The following PTPRJ variants were observed in gnomAD, a reference collection of about 807,000 sequenced individuals.
PTPRJ encodes the protein protein tyrosine phosphatase receptor type J, also known as receptor-type tyrosine-protein phosphatase eta.
PTPRJ carries 129 observed loss-of-function variants against 141.3 expected under a neutral mutation model. That is an observed-to-expected ratio of 0.91 (90% confidence interval 0.79 to 1.06). The LOEUF (loss-of-function observed/expected upper bound fraction) is 1.06, where lower values mean the gene tolerates loss of function less well. Ranked by LOEUF, PTPRJ falls within the 50% of genes least tolerant of loss-of-function variation. The probability of loss-of-function intolerance (pLI) is 0.00; values close to 1 mark genes in which losing one functional copy is unlikely to be tolerated. For synonymous variants in PTPRJ, 610 were observed against 640.5 expected, an observed-to-expected ratio of 0.95 and a Z score of 0.72; for missense variants, 1,601 against 1,679.7, an observed-to-expected ratio of 0.95 and a Z score of 0.82.
chr11:48,053,254 T>C (rs1354768240), intron 1 of PTPRJ, among the ~76,000 whole-genome samples: 11 of 84,782 alleles, frequency 1.3e-4, no homozygotes, highest in Admixed American at 1.0e-3. Context: ...TTATATAATA[T>C]ATATAATATA....
intron 3 of PTPRJ, among the ~76,000 whole-genome samples, chr11:48,118,775 C>T (rs537168292): frequency 1.3e-5 from 2 of 152,238 alleles, no homozygotes; most frequent in East Asian, 3.9e-4. Context: ...CTTTTCTGAA[C>T]TTAAGAACTT....
At chr11:47,989,134 C>T (rs1210926677) in intron 1 of PTPRJ, among the ~76,000 whole-genome samples, 4 of 151,670 alleles carry the variant, frequency 2.6e-5, no homozygotes, top group African/African-American at 4.8e-5. Context: ...CCGCCCGCCT[C>T]GGCCTCCCAA....
chr11:48,139,642 C>T lies in PTPRJ; in HGVS notation c.2309C>T (p.Ser770Phe). Residue 770 changes from serine to phenylalanine, a missense_variant, in exon 11 of 25, where the codon TCT (serine) becomes TTT (phenylalanine). Coordinates refer to ENST00000418331, the MANE Select transcript of PTPRJ (RefSeq NM_002843.4). ...GCGACCCACCTGGAGAGCTGCTCCT[C>T]TGAGAATGGCACTGAGTATAGAACG... ...NNATHLESCS[S>F]ENGTEYRTEV... 1 of 1,614,250 alleles carries T rather than the reference C, an allele frequency of 6.2e-7. No individual in the cohort carries two copies. The highest frequency in any genetic ancestry group is 8.5e-7 in the Non-Finnish European group (1 of 1,180,044).
chr11:48,159,147 G>GTC (rs1857698521), intron 21 of PTPRJ, among the ~76,000 whole-genome samples: 1 of 149,628 alleles, frequency 6.7e-6, no homozygotes, highest in Non-Finnish European at 1.5e-5. Flanking sequence ...GTGTGTGTGT[G>GTC]TGTGTGTGTG....
intron 1 of PTPRJ, among the ~76,000 whole-genome samples, chr11:48,012,685 C>T (rs1038560084): frequency 7.9e-5 from 12 of 152,100 alleles, no homozygotes; most frequent in African/African-American, 2.9e-4. Flanking sequence ...TCAGAGCTCT[C>T]ATCCATCTTC....
intron 1 of PTPRJ, among the ~76,000 whole-genome samples, chr11:47,983,830 T>C (rs1480142092): frequency 6.6e-6 from 1 of 152,224 alleles, no homozygotes; most frequent in Non-Finnish European, 1.5e-5. Context: ...TGGTGACTGA[T>C]AGCTGTTTTA....
chr11:48,139,741 C>T lies in PTPRJ; in HGVS notation c.2408C>T (p.Ala803Val). 1 of 1,614,132 alleles carries T rather than the reference C, an allele frequency of 6.2e-7. No individual in the cohort carries two copies. The highest frequency in any genetic ancestry group is 8.5e-7 in the Non-Finnish European group (1 of 1,180,028). The change falls in exon 11 of 25, where the codon GCC becomes GTC. Residue 803 changes from alanine (A) to valine (V), a missense_variant. Transcript: ENST00000418331. ...ACTGTGTCCTGTGGAAAGATGGCAG[C>T]CCCCACCCGGAACACCTGCACTACT... ...ITTVSCGKMA[A>V]PTRNTCTTGI...
intron 18 of PTPRJ, among the ~76,000 whole-genome samples, chr11:48,153,051 G>T (rs942057096): frequency 6.6e-6 from 1 of 152,104 alleles, no homozygotes; most frequent in Non-Finnish European, 1.5e-5. Context: ...AACACCACGG[G>T]TTTGGTCTAG....
At chr11:48,036,183 A>T (rs924706601) in intron 1 of PTPRJ, among the ~76,000 whole-genome samples, 3 of 152,234 alleles carry the variant, frequency 2.0e-5, no homozygotes, top group Non-Finnish European at 2.9e-5. Flanking sequence ...ACCTCTTTGA[A>T]GAAATGACAC....
chr11:48,110,075 C>A lies in PTPRJ; in HGVS notation c.114C>A (p.Gly38=). The change falls in exon 2 of 25, where the codon GGC becomes GGA. Residue 38 remains glycine, a splice_region_variant and synonymous_variant. Transcript: ENST00000418331. ...TGTTTCAGATCCTGTGCGCAGGTGG[C>A]AGTGAGTACCCTTTTCCTCTCTATT... ...LRLGQILCAG[G]TPSPIPDPSV... 1.2e-6 allele frequency: 2 copies of A among 1,613,722 alleles called. No homozygotes were observed. Among genetic ancestry groups the A allele is most frequent in the Non-Finnish European group, 1.7e-6 (2 of 1,179,616 alleles).
intron 10 of PTPRJ, among the ~76,000 whole-genome samples, chr11:48,138,936 C>T (rs1205263822): frequency 6.6e-6 from 1 of 152,152 alleles, no homozygotes; most frequent in African/African-American, 2.4e-5. Flanking sequence ...AGATCGAGAC[C>T]ATCCTGGCTA....
intron 1 of PTPRJ, among the ~76,000 whole-genome samples, chr11:48,031,022 A>C (rs1853966457): frequency 6.6e-6 from 1 of 152,202 alleles, no homozygotes; most frequent in Non-Finnish European, 1.5e-5. Flanking sequence ...GTGTTTTCAA[A>C]GTACTGAAAC....
intron 1 of PTPRJ, among the ~76,000 whole-genome samples, chr11:48,069,669 T>A (rs1174167770): frequency 6.6e-6 from 1 of 151,854 alleles, no homozygotes; most frequent in Non-Finnish European, 1.5e-5. Context: ...GCCAGGATGG[T>A]CTTGATCTCC....
chr11:48,084,730 G>A (rs1306537769), intron 1 of PTPRJ, among the ~76,000 whole-genome samples: 1 of 152,124 alleles, frequency 6.6e-6, no homozygotes, highest in Non-Finnish European at 1.5e-5. Flanking sequence ...CTTGGAGTAC[G>A]TAGTGTGACC....
Position 48,110,087 on chromosome 11 carries a change from T to C in PTPRJ, c.115+11T>C. ...TGTGCGCAGGTGGCAGTGAGTACCC[T>C]TTTCCTCTCTATTCTTGTGTTGTTC... On this transcript the variant is annotated intron_variant, in intron 2 of 24. Coordinates refer to ENST00000418331, the MANE Select transcript of PTPRJ (RefSeq NM_002843.4). The C allele has an allele frequency of 6.2e-7, 1 of 1,611,860 alleles. No homozygotes were observed.
At chr11:48,038,973 A>G (rs1210048547) in intron 1 of PTPRJ, among the ~76,000 whole-genome samples, 1 of 145,962 alleles carries the variant, frequency 6.9e-6, no homozygotes, top group African/African-American at 2.5e-5. Context: ...ACATGGTGAA[A>G]CCCCCGTCTC....
chr11:48,131,113 T>G (rs551443779), intron 8 of PTPRJ, among the ~76,000 whole-genome samples: 4 of 122,756 alleles, frequency 3.3e-5, no homozygotes, highest in Non-Finnish European at 6.5e-5. Context: ...AGTCTTACCC[T>G]GTCACCCAGG....
rs1346425487 is a variant in PTPRJ, at chr11:48,144,684, C to T, written c.2585C>T (p.Pro862Leu). ...TGTGTACCTTTCTTAGCTGGTCACC[C>T]TTCTGCAGATGTCCTGAAATACACG... Reference protein sequence around the residue: ...VILTTGEAGHPSADVLKYTYE... With the variant: ...VILTTGEAGHLSADVLKYTYE... Residue 862 changes from proline to leucine, a missense_variant, in exon 13 of 25, where the codon CCT becomes CTT. Pro to Leu is a moderately conservative substitution (Grantham distance 98). Coordinates refer to ENST00000418331, the MANE Select transcript of PTPRJ (RefSeq NM_002843.4). 3 of 1,613,564 alleles carry T rather than the reference C, an allele frequency of 1.9e-6. No individual in the cohort carries two copies. Among genetic ancestry groups the T allele is most frequent in the African/African-American group, 1.3e-5 (1 of 74,920 alleles).
intron 1 of PTPRJ, among the ~76,000 whole-genome samples, chr11:48,062,827 G>C (rs1345524785): frequency 6.6e-6 from 1 of 152,178 alleles, no homozygotes; most frequent in Non-Finnish European, 1.5e-5. Flanking sequence ...TTCTTTATCA[G>C]CCTGGGGCTA....
Sources: allele counts gnomAD v4.1 joint callset (sites outside exome capture counted in the v4.1 genomes callset), GRCh38; gene constraint gnomAD v4.1.1; transcripts MANE v1.5; gene names NCBI Gene and HGNC (gene_info 2026-07-23, HGNC 2026-07-21).